Variants in C3orf20 observed in about 807,000 individuals in gnomAD.
C3orf20 encodes family with sequence similarity 149 member C, also known as uncharacterized protein C3orf20.
C3orf20 carries 76 observed loss-of-function variants against 88.3 expected under a neutral mutation model. The ratio of observed to expected loss-of-function variants is 0.86; its 90% CI spans 0.72 to 1.04. The LOEUF is 1.04. C3orf20 is among the 50% of genes least tolerant of loss of function. The pLI is 0.00. For synonymous variants in C3orf20, 436 were observed against 437.4 expected (o/e 1.00, Z 0.04); for missense variants, 1,056 against 1,123.3 (o/e 0.94, Z 0.86).
At chr3:14,718,238 T>C (rs546506345) in intron 9 of C3orf20, among the ~76,000 whole-genome samples, 2 of 152,130 alleles carry the variant, frequency 1.3e-5, no homozygotes, top group Non-Finnish European at 1.5e-5. Flanking sequence ...TTCACATTAT[T>C]TTTCTCTTTA....
intron 15 of C3orf20, among the ~76,000 whole-genome samples, chr3:14,767,774 T>C (rs2035755358): frequency 6.6e-6 from 1 of 152,262 alleles, no homozygotes; most frequent in Non-Finnish European, 1.5e-5. Flanking sequence ...GAAAGCATCT[T>C]CTACACTGCT....
At chr3:14,698,423 G>A (rs1322047502) in intron 5 of C3orf20, among the ~76,000 whole-genome samples, 4 of 152,190 alleles carry the variant, frequency 2.6e-5, no homozygotes, top group Admixed American at 2.6e-4. Context: ...TCCTTTTTGG[G>A]AAGGCTTTCC....
intron 10 of C3orf20, 53 bp downstream of exon 10, chr3:14,721,837 G>A (rs2034174754): frequency 1.9e-6 from 3 of 1,604,076 alleles, no homozygotes; most frequent in Non-Finnish European, 2.6e-6. Context: ...ATCTCAACGT[G>A]GGTTGCTGTT....
chr3:14,703,913 T>G (rs767948942), intron 6 of C3orf20, among the ~76,000 whole-genome samples: 4 of 152,100 alleles, frequency 2.6e-5, no homozygotes, highest in Non-Finnish European at 4.4e-5. Flanking sequence ...ATCTAATAGC[T>G]TGGTCATATA....
intron 4 of C3orf20, 96 bp from the exon 5 acceptor site, chr3:14,689,901 A>T (rs2032631001): frequency 6.5e-7 from 1 of 1,539,566 alleles, no homozygotes; most frequent in Admixed American, 1.7e-5. Context: ...TATGTGACCC[A>T]CCGTACTACT....
chr3:14,703,517 T>C (rs2033366784), intron 6 of C3orf20, among the ~76,000 whole-genome samples: 2 of 152,164 alleles, frequency 1.3e-5, no homozygotes, highest in African/African-American at 2.4e-5. Flanking sequence ...GAAGACAGGA[T>C]TGATGCCCAT....
Position 14,753,463 on chromosome 3 carries a change from T to A in C3orf20, c.1941-3908T>A, listed in dbSNP as rs139813755. On this transcript the variant is annotated intron_variant, in intron 12 of 16. Transcript: ENST00000253697. ...GTAACAAACTTGCACATTGTGCACA[T>A]GTACCCTAGAACTTAAACTGTAATA... 9.7e-3 allele frequency among the ~76,000 whole-genome samples: 1,477 copies of A among 152,348 alleles called. 26 individuals carry two copies. Among genetic ancestry groups the A allele is most frequent in the African/African-American group, 0.033 (1,390 of 41,574 alleles).
rs1373382131 is a variant in C3orf20 at position 14,728,427 on chromosome 3, T to G, written c.1691-12T>G. On this transcript the variant is annotated splice_polypyrimidine_tract_variant and intron_variant, in intron 11 of 16. Coordinates refer to ENST00000253697, the MANE Select transcript of C3orf20 (RefSeq NM_032137.5). ...ATGAAGGGAAAATGACAGCAGCATC[T>G]TCTGTTAACAGGTCTGTTTACCATT... is the stretch of plus-strand genomic sequence containing the variant. 3 of 1,613,090 alleles carry G rather than the reference T, an allele frequency of 1.9e-6. No homozygotes were observed. The Admixed American group carries it at 5.0e-5, about 27-fold the overall frequency.
At chr3:14,761,958 G>A (rs1559447748) in intron 15 of C3orf20, among the ~76,000 whole-genome samples, 2 of 152,182 alleles carry the variant, frequency 1.3e-5, no homozygotes, top group Non-Finnish European at 2.9e-5. Context: ...CCCTGTTTCT[G>A]TTGGAATATT....
intron 7 of C3orf20, among the ~76,000 whole-genome samples, chr3:14,708,483 T>C (rs1277748349): frequency 6.6e-6 from 1 of 152,010 alleles, no homozygotes; most frequent in East Asian, 1.9e-4. Context: ...TTTTTTTTTT[T>C]CAAGACTATT....
At chr3:14,717,627 C>A (rs572648360) in intron 9 of C3orf20, among the ~76,000 whole-genome samples, 6 of 152,170 alleles carry the variant, frequency 3.9e-5, no homozygotes, top group African/African-American at 1.4e-4. Flanking sequence ...CTGCAGGGGC[C>A]AATTTGTTTT....
chr3:14,717,305 T>C lies in C3orf20; in HGVS notation c.1434+1896T>C, dbSNP rs567007446. 7.9e-5 allele frequency among the ~76,000 whole-genome samples: 12 copies of C among 152,252 alleles called. No individual in the cohort carries two copies. The South Asian group carries it at 1.0e-3, about 13-fold the overall frequency. On this transcript the variant is annotated intron_variant, in intron 9 of 16. Transcript: ENST00000253697. ...GTATTTTAGTTGACTGTTATATATTTCCTGGAGCTGCATGCAGAAGAGCAC... is the reference window on the plus strand; with the variant it reads ...GTATTTTAGTTGACTGTTATATATTCCCTGGAGCTGCATGCAGAAGAGCAC...
At position 14,684,401 on chromosome 3, in the gene C3orf20, A is replaced by C. The variant is rs766110218; in HGVS notation, c.625+19A>C. 14 of 1,611,470 alleles carry C rather than the reference A, an allele frequency of 8.7e-6. No individual in the cohort carries two copies. The East Asian group carries it at 3.1e-4, about 36-fold the overall frequency. On this transcript the variant is annotated intron_variant, in intron 4 of 16. Coordinates refer to ENST00000253697, the MANE Select transcript of C3orf20 (RefSeq NM_032137.5). ...TGGAAAGGTGGGTACCTGAGCTTCA[A>C]CCCTTAGGTAAGAAGTGCAAACAAT...
In C3orf20 at chr3:14,682,975, G is replaced by C; in HGVS notation, c.262G>C (p.Val88Leu). ...VVLMEPTFVQ[V>L]PTLKKPLPPP... ...GCTCATGGAACCCACCTTTGTGCAG[G>C]TCCCCACACTGAAGAAGCCACTACC... Residue 88 changes from valine to leucine, a missense_variant, in exon 3 of 17, where the codon GTC becomes CTC. Transcript: ENST00000253697. 6.2e-7 allele frequency: 1 copy of C among 1,614,040 alleles called. No homozygotes were observed. The highest frequency in any genetic ancestry group is 8.5e-7 in the Non-Finnish European group (1 of 1,179,976).
chr3:14,725,658 AT>A (rs1436755131), intron 10 of C3orf20, among the ~76,000 whole-genome samples: 5 of 152,152 alleles, frequency 3.3e-5, no homozygotes, highest in African/African-American at 1.2e-4. Context: ...GACATCCTTT[AT>A]AGATTTCCTG....
At chr3:14,697,561 T>C (rs1271971019) in intron 5 of C3orf20, among the ~76,000 whole-genome samples, 1 of 152,062 alleles carries the variant, frequency 6.6e-6, no homozygotes, top group African/African-American at 2.4e-5. Flanking sequence ...TTTATTATTT[T>C]TTTATTATAC....
At chr3:14,747,916 A>G (rs933844481) in intron 12 of C3orf20, among the ~76,000 whole-genome samples, 4 of 151,918 alleles carry the variant, frequency 2.6e-5, no homozygotes, top group African/African-American at 9.7e-5. Flanking sequence ...TTTGCTGAGA[A>G]TTTTTACATC....
At chr3:14,716,513 C>T (rs767038820) in intron 9 of C3orf20, among the ~76,000 whole-genome samples, 9 of 152,306 alleles carry the variant, frequency 5.9e-5, no homozygotes, top group Non-Finnish European at 1.0e-4. Context: ...TGACTCTCCT[C>T]CTTATGCTCT....
intron 14 of C3orf20, among the ~76,000 whole-genome samples, chr3:14,760,547 C>A (rs184620396): frequency 6.6e-6 from 1 of 151,946 alleles, no homozygotes; most frequent in East Asian, 1.9e-4. Context: ...GAGCATTTCC[C>A]CATGTCCTTA....
Sources: gnomAD v4.1 joint callset for allele counts (sites outside exome capture counted in the v4.1 genomes callset) on GRCh38, gnomAD v4.1.1 for gene constraint, MANE v1.5 for transcripts, NCBI Gene and HGNC (gene_info 2026-07-23, HGNC 2026-07-21) for gene names.